Variants in GRIK1 observed in about 807,000 individuals in gnomAD.
GRIK1 encodes the protein glutamate receptor ionotropic, kainate 1.
GRIK1 carries 69 observed loss-of-function variants against 105.7 expected under a neutral mutation model. The ratio of observed to expected loss-of-function variants is 0.65; its 90% confidence interval spans 0.54 to 0.80. GRIK1 has a LOEUF of 0.80. Ranked by LOEUF, GRIK1 falls within the 30% of genes least tolerant of loss-of-function variation. The pLI, the probability that GRIK1 is intolerant of heterozygous loss-of-function variation, is 0.00. For missense variants in GRIK1, 1,109 were observed against 1,167.3 expected (o/e 0.95, Z 0.73); for synonymous variants, 438 against 431.3 (o/e 1.02, Z -0.19).
At chr21:29,650,300 C>T (rs971500930) in intron 6 of GRIK1, among the ~76,000 whole-genome samples, 4 of 152,066 alleles carry the variant, frequency 2.6e-5, no homozygotes, top group African/African-American at 7.2e-5. Flanking sequence ...GTGCGTCTCC[C>T]GATGATAGGA....
At chr21:29,794,135 T>C (rs577345054) in intron 1 of GRIK1, among the ~76,000 whole-genome samples, 5 of 152,336 alleles carry the variant, frequency 3.3e-5, no homozygotes, top group African/African-American at 7.2e-5. Context: ...TTACCAAAAA[T>C]AGGATTTTGT....
intron 9 of GRIK1, among the ~76,000 whole-genome samples, chr21:29,593,371 C>A (rs1298862818): frequency 6.6e-6 from 1 of 152,168 alleles, no homozygotes; most frequent in African/African-American, 2.4e-5. Flanking sequence ...GTTGAAGAAT[C>A]TTTAGGTTTC....
At chr21:29,836,205 T>C (rs1002258427) in intron 1 of GRIK1, among the ~76,000 whole-genome samples, 4 of 152,208 alleles carry the variant, frequency 2.6e-5, no homozygotes, top group African/African-American at 9.7e-5. Context: ...CACTGGGAAA[T>C]TTAAGAGAAA....
At chr21:29,575,532 A>AT (rs1231205775) in intron 14 of GRIK1, among the ~76,000 whole-genome samples, 1 of 151,684 alleles carries the variant, frequency 6.6e-6, no homozygotes, top group Non-Finnish European at 1.5e-5. Flanking sequence ...GGAAAAGATT[A>AT]TTTAAAAAAA....
rs540949306 is a variant in GRIK1, at chr21:29,896,386, A to G, written c.118+42997T>C. 2.8e-3 allele frequency among the ~76,000 whole-genome samples: 422 copies of G among 152,282 alleles called. 2 individuals are homozygous for G. The highest frequency in any genetic ancestry group is 2.1e-3 in the Non-Finnish European group (144 of 68,028). On this transcript the variant is annotated intron_variant, in intron 1 of 17. Coordinates refer to ENST00000327783, the MANE Select transcript of GRIK1 (RefSeq NM_001330994.2). ...TTCCCCTTAGCATTTATTGCAACTT[A>G]ATATGCTACATATTTTACTTATTTT...
At chr21:29,774,521 G>T (rs432440) in intron 1 of GRIK1, among the ~76,000 whole-genome samples, 1 of 146,520 alleles carries the variant, frequency 6.8e-6, no homozygotes, top group Non-Finnish European at 1.5e-5. Flanking sequence ...GCACGATCTC[G>T]GCTCACTGCA....
At chr21:29,856,866 G>T (rs977340858) in intron 1 of GRIK1, among the ~76,000 whole-genome samples, 1 of 152,092 alleles carries the variant, frequency 6.6e-6, no homozygotes, top group Non-Finnish European at 1.5e-5. Flanking sequence ...AGTATTTTAG[G>T]CACCACAAAG....
At chr21:29,836,887 A>G (rs1424714435) in intron 1 of GRIK1, among the ~76,000 whole-genome samples, 2 of 152,170 alleles carry the variant, frequency 1.3e-5, no homozygotes, top group Admixed American at 1.3e-4. Context: ...AGCCACCTAC[A>G]TTTTGTCTCT....
intron 14 of GRIK1, among the ~76,000 whole-genome samples, chr21:29,564,395 C>T (rs962197465): frequency 3.9e-5 from 6 of 152,300 alleles, no homozygotes; most frequent in Admixed American, 1.3e-4. Context: ...GATCCGCCCG[C>T]CTCGGCCTCC....
chr21:29,904,085 G>A lies in GRIK1; in HGVS notation c.118+35298C>T, dbSNP rs151037294. Among the ~76,000 whole-genome samples the A allele has an allele frequency of 9.6e-3, 1,465 of 152,146 alleles. 19 individuals carry two copies. Among genetic ancestry groups the A allele is most frequent in the African/African-American group, 0.031 (1,288 of 41,492 alleles). ...TGGGAGTTGAACAATGAGAACACAT[G>A]GACACAGGGAGGGGAACATCACACA... On this transcript the variant is annotated intron_variant, in intron 1 of 17. Coordinates refer to ENST00000327783, the MANE Select transcript of GRIK1 (RefSeq NM_001330994.2).
At chr21:29,795,025 TA>T (rs1391689612) in intron 1 of GRIK1, among the ~76,000 whole-genome samples, 7,614 of 117,440 alleles carry the variant, frequency 0.065, 1,610 homozygotes, top group Middle Eastern at 0.14. Context: ...TGCTTTGCTC[TA>T]AATTTTTTTT....
intron 9 of GRIK1, among the ~76,000 whole-genome samples, chr21:29,591,825 G>A (rs2061338008): frequency 6.6e-6 from 1 of 152,038 alleles, no homozygotes; most frequent in Non-Finnish European, 1.5e-5. Flanking sequence ...AAGGTGGGAG[G>A]ATCTCTTGAG....
Position 29,577,146 on chromosome 21 carries a change from T to C in GRIK1, c.1948A>G (p.Ile650Val), listed in dbSNP as rs1454094186. 1.2e-6 allele frequency: 2 copies of C among 1,611,152 alleles called. No individual in the cohort carries two copies. The highest frequency in any genetic ancestry group is 1.3e-5 in the African/African-American group (1 of 74,876). ...AAAAACCACCATATCCCTCCAACTA[T>C]TCTGGTCGATAGAGCTTTGGGCATC... The part of the protein sequence containing the change: ...ELMPKALSTR[I>V]VGGIWWFFTL... The change falls in exon 14 of 18, where the codon ATA becomes GTA. Residue 650 changes from isoleucine to valine, a missense_variant. Coordinates refer to ENST00000327783, the MANE Select transcript of GRIK1 (RefSeq NM_001330994.2).
chr21:29,827,019 T>C (rs191737242), intron 1 of GRIK1, among the ~76,000 whole-genome samples: 23 of 152,242 alleles, frequency 1.5e-4, no homozygotes, highest in African/African-American at 5.3e-4. Context: ...AAAAGCATGT[T>C]ATTGTGATAA....
chr21:29,872,486 T>A (rs894278506), intron 1 of GRIK1, among the ~76,000 whole-genome samples: 2 of 152,148 alleles, frequency 1.3e-5, no homozygotes, highest in Non-Finnish European at 2.9e-5. Context: ...TTATACAGCA[T>A]CTCTTTTGTA....
intron 4 of GRIK1, among the ~76,000 whole-genome samples, chr21:29,659,349 T>G (rs934192955): frequency 2.0e-5 from 3 of 152,126 alleles, no homozygotes; most frequent in African/African-American, 7.2e-5. Flanking sequence ...AACAAAACAG[T>G]TTTCCCCCCC....
chr21:29,730,078 G>A (rs1367753830), intron 1 of GRIK1, among the ~76,000 whole-genome samples: 1 of 152,158 alleles, frequency 6.6e-6, no homozygotes, highest in African/African-American at 2.4e-5. Context: ...TTCCAGAAAA[G>A]CAGAATTTCT....
At chr21:29,652,932 G>A (rs1466349866) in intron 5 of GRIK1, among the ~76,000 whole-genome samples, 1 of 152,198 alleles carries the variant, frequency 6.6e-6, no homozygotes, top group African/African-American at 2.4e-5. Flanking sequence ...ATATTTGGAT[G>A]AGGCAGTAGA....
At chr21:29,625,331 G>A (rs1200117950) in intron 7 of GRIK1, among the ~76,000 whole-genome samples, 1 of 152,150 alleles carries the variant, frequency 6.6e-6, no homozygotes, top group African/African-American at 2.4e-5. Context: ...GTTTTGTCAG[G>A]TGATTTGGTG....
Sources: gnomAD v4.1 joint callset for allele counts (sites outside exome capture counted in the v4.1 genomes callset) on GRCh38, gnomAD v4.1.1 for gene constraint, MANE v1.5 for transcripts, NCBI Gene and HGNC (gene_info 2026-07-23, HGNC 2026-07-21) for gene names.